MAPKAPK2: variants seen among roughly 807,000 people sequenced by gnomAD.
The protein encoded by MAPKAPK2 is MAPK activated protein kinase 2, also known as MAP kinase-activated protein kinase 2.
MAPKAPK2 carries 9 observed loss-of-function variants against 48.8 expected under a neutral mutation model. The ratio of observed to expected loss-of-function variants is 0.18; its 90% CI spans 0.11 to 0.32. The LOEUF is 0.32. Ranked by LOEUF, MAPKAPK2 falls within the 10% of genes least tolerant of loss-of-function variation. MAPKAPK2 has a pLI of 1.00. For synonymous variants in MAPKAPK2, 202 were observed against 190.6 expected, an observed-to-expected ratio of 1.06 and a Z score of -0.49; for missense variants, 331 against 498.3, an observed-to-expected ratio of 0.66 and a Z score of 3.20.
Position 206,728,808 on chromosome 1 carries a change from T to C in MAPKAPK2, c.378T>C (p.Asn126=). 1 of 1,614,134 alleles carries C rather than the reference T, an allele frequency of 6.2e-7. No homozygotes were observed. The highest frequency in any genetic ancestry group is 8.5e-7 in the Non-Finnish European group (1 of 1,180,016). The stretch of plus-strand genomic sequence containing the variant: ...TACGGATCGTGGATGTGTACGAGAA[T>C]CTGTACGCAGGGAGGAAGTGCCTGC... The part of the protein sequence containing the change: ...HIVRIVDVYE[N]LYAGRKCLLI... The change falls in exon 2 of 10, where the codon AAT becomes AAC. Residue 126 remains asparagine (N), a synonymous_variant. Transcript: ENST00000367103.
intron 1 of MAPKAPK2, among the ~76,000 whole-genome samples, chr1:206,703,547 G>C (rs11119342): frequency 0.18 from 27,824 of 152,210 alleles, 2,947 homozygotes; most frequent in Middle Eastern, 0.31. Flanking sequence ...TCTATAGATT[G>C]GACTAGTTTT....
chr1:206,722,366 A>G (rs1483486141), intron 1 of MAPKAPK2, among the ~76,000 whole-genome samples: 1 of 152,078 alleles, frequency 6.6e-6, no homozygotes, highest in African/African-American at 2.4e-5. Context: ...TCTCAAAAAC[A>G]AAAACAAAAA....
Position 206,685,479 on chromosome 1 carries a change from A to G in MAPKAPK2, c.250A>G (p.Lys84Glu). 1 of 1,531,794 alleles carries G rather than the reference A, an allele frequency of 6.5e-7. No individual in the cohort carries two copies. The allele number at this position is 1,531,794 out of a possible 1,614,324, so 94.9% of individuals were successfully genotyped here. A position where few individuals can be genotyped will look rare whatever the true frequency, so the allele number is the denominator to read the frequency against. ...CGGCAAAGTTTTGCAGATCTTCAACAAGAGGACCCAGGAGAAATTCGCCCT... is the reference window on the plus strand; with the variant it reads ...CGGCAAAGTTTTGCAGATCTTCAACGAGAGGACCCAGGAGAAATTCGCCCT... Reference protein sequence around the residue: ...INGKVLQIFNKRTQEKFALKM... With the variant: ...INGKVLQIFNERTQEKFALKM... The change falls in exon 1 of 10, where the codon AAG (lysine) becomes GAG (glutamate). Residue 84 changes from lysine to glutamate, a missense_variant. Around this residue, in one of 4 missense-constraint regions of MAPKAPK2, gnomAD observed 111 missense variants for 193.6 expected, o/e 0.57. Transcript: ENST00000367103.
intron 1 of MAPKAPK2, among the ~76,000 whole-genome samples, chr1:206,717,610 G>A (rs1292359034): frequency 6.6e-6 from 1 of 152,142 alleles, no homozygotes; most frequent in Non-Finnish European, 1.5e-5. Context: ...GGTCAAGTGT[G>A]GCCTCTGACC....
At chr1:206,693,572 G>A (rs1261588498) in intron 1 of MAPKAPK2, among the ~76,000 whole-genome samples, 1 of 152,168 alleles carries the variant, frequency 6.6e-6, no homozygotes. Context: ...CTTCTACTGT[G>A]CTCGCCTCCA....
intron 1 of MAPKAPK2, among the ~76,000 whole-genome samples, chr1:206,716,211 G>A (rs1157765928): frequency 3.9e-5 from 6 of 151,964 alleles, no homozygotes; most frequent in African/African-American, 1.2e-4. Context: ...GTAATGTAGA[G>A]TGAGAATTTA....
At chr1:206,712,962 T>TCACACACACACA (rs58379967) in intron 1 of MAPKAPK2, among the ~76,000 whole-genome samples, 15,238 of 112,062 alleles carry the variant, frequency 0.14, 1,516 homozygotes, top group East Asian at 0.16. Context: ...TGAGACTCCA[T>TCACACACACACA]CACACACACA....
At chr1:206,706,857 G>T (rs1171130796) in intron 1 of MAPKAPK2, among the ~76,000 whole-genome samples, 1 of 151,964 alleles carries the variant, frequency 6.6e-6, no homozygotes, top group East Asian at 1.9e-4. Flanking sequence ...GGGCTAGAAG[G>T]CAGGGCAGTG....
intron 1 of MAPKAPK2, among the ~76,000 whole-genome samples, chr1:206,702,635 C>T (rs782236647): frequency 6.6e-5 from 10 of 152,232 alleles, no homozygotes; most frequent in Admixed American, 2.6e-4. Flanking sequence ...ATTCAGCCAT[C>T]CATTCCCGGT....
At position 206,732,460 on chromosome 1, in the gene MAPKAPK2, C is replaced by T. The variant is rs1553432888; in HGVS notation, c.1060-115C>T. On this transcript the variant is annotated intron_variant, in intron 9 of 9. Coordinates refer to ENST00000367103, the MANE Select transcript of MAPKAPK2 (RefSeq NM_032960.4). This position sits in a 1 kb window ranked among gnomAD's most constrained non-coding sequence, Gnocchi z 4.4. ...CCCGTCTTCTCTCTCTGCTCCCACC[C>T]CTGCCGCCCTCACCCTGCCCTTGTT... The T allele has an allele frequency of 2.6e-6, 4 of 1,520,612 alleles. No individual in the cohort carries two copies. The highest frequency in any genetic ancestry group is 2.8e-5 in the African/African-American group (2 of 72,552). The allele number at this position is 1,520,612 out of a possible 1,614,324, so 94.2% of individuals were successfully genotyped here.
At chr1:206,691,200 G>C (rs1222477586) in intron 1 of MAPKAPK2, among the ~76,000 whole-genome samples, 1 of 152,080 alleles carries the variant, frequency 6.6e-6, no homozygotes, top group African/African-American at 2.4e-5. Context: ...GTCAGCATCC[G>C]AGCCACATCT....
At chr1:206,724,523 G>A (rs1254836267) in intron 1 of MAPKAPK2, among the ~76,000 whole-genome samples, 4 of 149,452 alleles carry the variant, frequency 2.7e-5, no homozygotes, top group African/African-American at 9.8e-5. Context: ...ATAAACATGT[G>A]CCTGGATGGA....
intron 5 of MAPKAPK2, 37 bp downstream of exon 5, chr1:206,730,135 C>T: frequency 2.5e-6 from 4 of 1,612,490 alleles, no homozygotes; most frequent in East Asian, 2.2e-5. Flanking sequence ...TAGGCTTTTC[C>T]CAGAACTTTT....
At chr1:206,715,976 G>A (rs1302671265) in intron 1 of MAPKAPK2, among the ~76,000 whole-genome samples, 3 of 151,288 alleles carry the variant, frequency 2.0e-5, no homozygotes, top group African/African-American at 7.3e-5. Flanking sequence ...TTGAAGTCTA[G>A]GCTAAACAAC....
chr1:206,696,104 C>T (rs1672616406), intron 1 of MAPKAPK2: 1 of 1,336,164 alleles, frequency 7.5e-7, no homozygotes, highest in South Asian at 1.2e-5. Context: ...CTACCAGTCA[C>T]ACGGCAGATG....
chr1:206,730,795 C>T, intron 6 of MAPKAPK2, 32 bp downstream of exon 6: 1 of 1,341,348 alleles, frequency 7.5e-7, no homozygotes, highest in Non-Finnish European at 1.1e-6. Context: ...CTGGGTGGGG[C>T]AGGGAGTCAG....
intron 1 of MAPKAPK2, among the ~76,000 whole-genome samples, chr1:206,698,174 G>A (rs1553427347): frequency 6.6e-6 from 1 of 152,182 alleles, no homozygotes; most frequent in African/African-American, 2.4e-5. Flanking sequence ...GTTTATAAAT[G>A]TTTATTGTTC....
chr1:206,726,888 CA>C (rs1438115684), intron 1 of MAPKAPK2, among the ~76,000 whole-genome samples: 2 of 152,214 alleles, frequency 1.3e-5, no homozygotes, highest in Non-Finnish European at 2.9e-5. Context: ...CTGGCTCCAT[CA>C]TGGCCATCTG....
chr1:206,732,804 C>T lies in MAPKAPK2; in HGVS notation c.*86C>T. On this transcript the variant is annotated 3_prime_UTR_variant, in exon 10 of 10. Transcript: ENST00000367103. The surrounding 1 kb of genome is among the most constrained non-coding windows in gnomAD (Gnocchi z 4.4). ...TTAAACGAAGAGACAGAACTGTCCA[C>T]ATCTGCCTCCTCTCCTCCTCAGCTG... The T allele has an allele frequency of 6.9e-7, 1 of 1,448,136 alleles. No individual in the cohort carries two copies. The highest frequency in any genetic ancestry group is 9.5e-7 in the Non-Finnish European group (1 of 1,055,860). The allele number at this position is 1,448,136 out of a possible 1,614,324, so 89.7% of individuals were successfully genotyped here.
Sources: gnomAD v4.1 joint callset for allele counts (sites outside exome capture counted in the v4.1 genomes callset) on GRCh38, gnomAD v4.1.1 for gene constraint, gnomAD v4.1.1 regional missense constraint, Gnocchi (gnomAD v3.1) non-coding constraint, MANE v1.5 for transcripts, NCBI Gene and HGNC (gene_info 2026-07-23, HGNC 2026-07-21) for gene names.